The following TEAD4 variants were observed in gnomAD, a reference collection of about 807,000 sequenced individuals.
The protein encoded by TEAD4 is TEA domain transcription factor 4.
Under a neutral mutation model 52.4 loss-of-function variants are expected in TEAD4, and 36 were observed. That is an observed-to-expected ratio of 0.69 (90% confidence interval 0.53 to 0.91). The LOEUF is 0.91. TEAD4 is among the 40% of genes least tolerant of loss of function. The pLI is 0.00. For missense variants in TEAD4, 508 were observed against 583.9 expected, an observed-to-expected ratio of 0.87 and a Z score of 1.34; for synonymous variants, 220 against 231.0, an observed-to-expected ratio of 0.95 and a Z score of 0.43.
intron 5 of TEAD4, among the ~76,000 whole-genome samples, chr12:3,012,715 A>G (rs1412241386): frequency 6.6e-6 from 1 of 152,104 alleles, no homozygotes; most frequent in Non-Finnish European, 1.5e-5. Flanking sequence ...CCCGTCTTGC[A>G]GGGCCTCTGC....
intron 9 of TEAD4, 105 bp downstream of exon 9, chr12:3,020,878 C>T (rs71583737): frequency 0.059 from 76,025 of 1,283,576 alleles, 2,517 homozygotes; most frequent in African/African-American, 0.092. Context: ...AATTCAAGTT[C>T]CCTGTTCCTT....
chr12:3,036,378 G>A (rs1347366511), intron 10 of TEAD4, among the ~76,000 whole-genome samples: 2 of 152,062 alleles, frequency 1.3e-5, no homozygotes, highest in Non-Finnish European at 2.9e-5. Flanking sequence ...AACACCCACC[G>A]CCAGTCTAGA....
chr12:3,016,202 A>AT lies in TEAD4; in HGVS notation c.355-1190dup, dbSNP rs570408771. Among the ~76,000 whole-genome samples the AT allele has an allele frequency of 1.6e-4, 24 of 151,866 alleles. No homozygotes were observed. In the East Asian group the frequency reaches 3.7e-3, roughly 23 times the overall value. ...ACCACCACACCTGGCTAATTTTTGT[A>AT]TTTTTTGTAGAGCCAGGGTTTCACC... On this transcript the variant is annotated intron_variant, in intron 5 of 12. Coordinates refer to ENST00000359864, the MANE Select transcript of TEAD4 (RefSeq NM_003213.4).
At position 3,040,163 on chromosome 12, in the gene TEAD4, G is replaced by T. The variant is rs762049879; in HGVS notation, c.1095G>T (p.Pro365=). Residue 365 remains proline (P), a synonymous_variant, in exon 12 of 13, where the codon CCG becomes CCT. Coordinates refer to ENST00000359864, the MANE Select transcript of TEAD4 (RefSeq NM_003213.4). The stretch of plus-strand genomic sequence containing the variant: ...ACTCTTACCGCATCCACCGGTCCCC[G>T]CTCTGTGAGTACATGATCAACTTCA... 1.2e-6 allele frequency: 2 copies of T among 1,614,168 alleles called. No individual in the cohort carries two copies. The highest frequency in any genetic ancestry group is 2.7e-5 in the African/African-American group (2 of 75,040).
intron 3 of TEAD4, among the ~76,000 whole-genome samples, chr12:3,009,900 A>T (rs1181957562): frequency 1.3e-5 from 2 of 152,222 alleles, no homozygotes; most frequent in African/African-American, 4.8e-5. Flanking sequence ...CTGGGGGGTC[A>T]GCTTGGCCTT....
chr12:2,970,477 TGTAA>T (rs1455390898), intron 2 of TEAD4, among the ~76,000 whole-genome samples: 3 of 152,214 alleles, frequency 2.0e-5, no homozygotes, highest in South Asian at 2.1e-4. Flanking sequence ...ATAACCACTG[TGTAA>T]GTGTTTGTCA....
At chr12:2,966,558 A>G (rs909977846) in intron 2 of TEAD4, among the ~76,000 whole-genome samples, 6 of 140,756 alleles carry the variant, frequency 4.3e-5, no homozygotes, top group African/African-American at 1.3e-4. Flanking sequence ...TTACAAGCAC[A>G]CGCCACCATG....
At chr12:2,975,914 T>C (rs1333532344) in intron 2 of TEAD4, among the ~76,000 whole-genome samples, 2 of 152,198 alleles carry the variant, frequency 1.3e-5, no homozygotes, top group African/African-American at 4.8e-5. Context: ...TAGAATGTCA[T>C]ATGGTTGGAA....
At chr12:2,992,655 T>A (rs1235660445) in intron 2 of TEAD4, among the ~76,000 whole-genome samples, 8 of 152,104 alleles carry the variant, frequency 5.3e-5, no homozygotes, top group Admixed American at 4.6e-4. Flanking sequence ...CTGGACTGCA[T>A]TGCTCCTCAA....
rs1297418806 is a variant in TEAD4 at position 2,977,894 on chromosome 12, G to A, written c.-29-16844G>A. 2.6e-5 allele frequency among the ~76,000 whole-genome samples: 4 copies of A among 152,076 alleles called. No individual in the cohort carries two copies. In the East Asian group the frequency reaches 7.7e-4, roughly 29 times the overall value. On this transcript the variant is annotated intron_variant, in intron 2 of 12. Transcript: ENST00000359864. ...TGAGAAGGGCCCTTTTTTGGCCTCCGGCAGGCCCTGGCCCTTCCGAAATCA... is the reference window on the plus strand; with the variant it reads ...TGAGAAGGGCCCTTTTTTGGCCTCCAGCAGGCCCTGGCCCTTCCGAAATCA...
At chr12:2,997,810 G>GC (rs966512092) in intron 3 of TEAD4, among the ~76,000 whole-genome samples, 10 of 151,248 alleles carry the variant, frequency 6.6e-5, no homozygotes, top group Admixed American at 2.0e-4. Context: ...TTTTTCGGGG[G>GC]GGGGGTGTGT....
At chr12:3,028,636 T>C (rs2098273507) in intron 10 of TEAD4, among the ~76,000 whole-genome samples, 1 of 152,138 alleles carries the variant, frequency 6.6e-6, no homozygotes, top group Non-Finnish European at 1.5e-5. Flanking sequence ...TTAGGTCCAT[T>C]GCCCTTTTTT....
At chr12:3,004,999 G>A (rs558543502) in intron 3 of TEAD4, among the ~76,000 whole-genome samples, 9 of 152,362 alleles carry the variant, frequency 5.9e-5, no homozygotes, top group Non-Finnish European at 1.3e-4. Flanking sequence ...AGGCTGGAGG[G>A]TCTGAGATGA....
chr12:2,960,845 G>T lies in TEAD4; in HGVS notation c.-30+805G>T, dbSNP rs1405881208. ...CCTCCCTACATAGCCGTGGGCAAGA[G>T]TCAGTGTCTCTGGTTGCCTGAGTGC... On this transcript the variant is annotated intron_variant, in intron 2 of 12. Coordinates refer to ENST00000359864, the MANE Select transcript of TEAD4 (RefSeq NM_003213.4). Among the ~76,000 whole-genome samples the T allele has an allele frequency of 2.0e-5, 3 of 152,220 alleles. No individual in the cohort carries two copies. The East Asian group carries it at 5.8e-4, about 29-fold the overall frequency.
At chr12:3,024,805 T>G (rs762229600) in intron 10 of TEAD4, among the ~76,000 whole-genome samples, 1 of 152,326 alleles carries the variant, frequency 6.6e-6, no homozygotes, top group Non-Finnish European at 1.5e-5. Flanking sequence ...TTTTACAAAT[T>G]GCTCCATCAG....
chr12:3,018,458 C>T (rs1435131028), intron 6 of TEAD4, 87 bp from the exon 7 acceptor site: 6 of 1,514,902 alleles, frequency 4.0e-6, no homozygotes, highest in African/African-American at 1.4e-5. Flanking sequence ...CCAGTGGAGG[C>T]CCTGCCCGGT....
At chr12:3,029,109 T>C (rs979513576) in intron 10 of TEAD4, among the ~76,000 whole-genome samples, 1 of 151,986 alleles carries the variant, frequency 6.6e-6, no homozygotes, top group African/African-American at 2.4e-5. Flanking sequence ...TGCTGTGTCT[T>C]CCAGGCTGGA....
chr12:2,979,659 T>C (rs1213415508), intron 2 of TEAD4, among the ~76,000 whole-genome samples: 1 of 152,346 alleles, frequency 6.6e-6, no homozygotes, highest in South Asian at 2.1e-4. Flanking sequence ...GTGACTATTC[T>C]GTGATTAATG....
At chr12:3,019,057 G>A (rs2153957272) in intron 7 of TEAD4, 58 bp from the exon 8 acceptor site, 1 of 1,601,036 alleles carries the variant, frequency 6.2e-7, no homozygotes, top group Non-Finnish European at 8.6e-7. Flanking sequence ...ACCCAGTGCA[G>A]GGATCCGGGG....
Sources: gnomAD v4.1 joint callset for allele counts (sites outside exome capture counted in the v4.1 genomes callset) on GRCh38, gnomAD v4.1.1 for gene constraint, MANE v1.5 for transcripts, NCBI Gene and HGNC (gene_info 2026-07-23, HGNC 2026-07-21) for gene names.